Variants in RAPGEF4 observed in about 807,000 individuals in gnomAD.
The protein encoded by RAPGEF4 is RAP guanine-nucleotide-exchange factor (GEF) 4.
A neutral mutation model predicts 147.9 loss-of-function variants in RAPGEF4; 66 were observed. The ratio of observed to expected loss-of-function variants is 0.45; its 90% CI spans 0.37 to 0.55. The LOEUF is 0.55. Ranked by LOEUF, RAPGEF4 falls within the 20% of genes least tolerant of loss-of-function variation. RAPGEF4 has a pLI of 0.00. For synonymous variants in RAPGEF4, 419 were observed against 442.7 expected (o/e 0.95, Z 0.67); for missense variants, 1,071 against 1,257.3 (o/e 0.85, Z 2.24).
chr2:172,993,340 C>T (rs369234103), intron 15 of RAPGEF4, among the ~76,000 whole-genome samples: 3 of 152,254 alleles, frequency 2.0e-5, no homozygotes, highest in African/African-American at 2.4e-5. Flanking sequence ...TTCCTGTTTT[C>T]GTTACTGTGT....
At chr2:172,886,246 T>C (rs1697198479) in intron 4 of RAPGEF4, among the ~76,000 whole-genome samples, 1 of 152,210 alleles carries the variant, frequency 6.6e-6, no homozygotes, top group African/African-American at 2.4e-5. Context: ...ACAACTACAG[T>C]TTTATTAGAA....
Position 173,027,218 on chromosome 2 carries a change from G to A in RAPGEF4, c.2517G>A (p.Lys839=). Residue 839 remains lysine (K), a synonymous_variant, in exon 25 of 31, where the codon AAG becomes AAA. Transcript: ENST00000397081. ...TEICLCSQLS[K]RVQLLKKFIK... ...TCTGCCTTTGTTCTCAGCTCAGCAA[G>A]CGTGTTCAGCTATTAAAAAAATTTA... 6.2e-7 allele frequency: 1 copy of A among 1,604,470 alleles called. No individual in the cohort carries two copies. The highest frequency in any genetic ancestry group is 8.5e-7 in the Non-Finnish European group (1 of 1,177,674).
At chr2:172,802,200 A>G (rs1020524485) in intron 3 of RAPGEF4, among the ~76,000 whole-genome samples, 15 of 152,248 alleles carry the variant, frequency 9.9e-5, no homozygotes, top group Non-Finnish European at 2.1e-4. Context: ...CAGATTCTGC[A>G]ATAGTATTTT....
intron 29 of RAPGEF4, 50 bp from the exon 30 acceptor site, chr2:173,048,550 C>T (rs1289866697): frequency 5.0e-6 from 8 of 1,612,266 alleles, no homozygotes; most frequent in Non-Finnish European, 6.8e-6. Flanking sequence ...TTGGATTGTA[C>T]TCTACGCTTA....
Position 172,988,266 on chromosome 2 carries a change from C to T in RAPGEF4, c.1221C>T (p.Tyr407=), listed in dbSNP as rs373138887. 4.5e-5 allele frequency: 72 copies of T among 1,610,974 alleles called. 1 individual carries two copies. Among genetic ancestry groups the T allele is most frequent in the East Asian group, 1.8e-4 (8 of 44,732 alleles). Residue 407 remains tyrosine (Y), a synonymous_variant, in exon 13 of 31, where the codon TAC becomes TAT. Transcript: ENST00000397081. ...ILKGSVNVVI[Y]GKGVVCTLHE... ...AAGGATCAGTGAATGTAGTCATTTA[C>T]GGCAAGGTATATATATCTTTTTCTT...
At chr2:172,855,434 T>C (rs754856777) in intron 4 of RAPGEF4, among the ~76,000 whole-genome samples, 39 of 152,206 alleles carry the variant, frequency 2.6e-4, no homozygotes, top group Non-Finnish European at 5.4e-4. Context: ...TGGTTGCCTG[T>C]AATACAAGTA....
intron 4 of RAPGEF4, among the ~76,000 whole-genome samples, chr2:172,898,522 G>A (rs1306895030): frequency 6.6e-6 from 1 of 152,156 alleles, no homozygotes; most frequent in African/African-American, 2.4e-5. Context: ...TTCCGTCATT[G>A]CAAATCCCTG....
intron 4 of RAPGEF4, among the ~76,000 whole-genome samples, chr2:172,878,803 G>A (rs997322804): frequency 2.0e-5 from 3 of 152,156 alleles, no homozygotes; most frequent in East Asian, 1.9e-4. Flanking sequence ...TCTTTTGGTC[G>A]ATAATTATGT....
At chr2:172,916,712 A>C (rs1253271784) in intron 4 of RAPGEF4, among the ~76,000 whole-genome samples, 1 of 152,250 alleles carries the variant, frequency 6.6e-6, no homozygotes, top group African/African-American at 2.4e-5. Context: ...CATCTTGACT[A>C]GAAGAAGGCT....
intron 6 of RAPGEF4, among the ~76,000 whole-genome samples, chr2:172,942,230 G>A (rs1198944315): frequency 6.8e-6 from 1 of 145,994 alleles, no homozygotes; most frequent in African/African-American, 2.5e-5. Context: ...AACAAAAACT[G>A]CAATTACTTT....
rs1288655911 is a variant in RAPGEF4, at chr2:172,831,266, C to T, written c.444+16841C>T. Among the ~76,000 whole-genome samples, 185 of 53,846 alleles carry T rather than the reference C, an allele frequency of 3.4e-3. 2 individuals are homozygous for T. Among genetic ancestry groups the T allele is most frequent in the Non-Finnish European group, 4.0e-3 (113 of 28,086 alleles). 35.3% of individuals were successfully genotyped at this position (53,846 alleles called of 152,430 possible). On this transcript the variant is annotated intron_variant, in intron 4 of 30. Coordinates refer to ENST00000397081, the MANE Select transcript of RAPGEF4 (RefSeq NM_007023.4). ...AAATGTGACTGTTTCAGATAGAAAA[C>T]TTTTTTTTTTTTTTTTTTTGAGACA... is the stretch of plus-strand genomic sequence containing the variant.
chr2:172,806,779 T>C (rs1463124356), intron 3 of RAPGEF4, among the ~76,000 whole-genome samples: 1 of 152,208 alleles, frequency 6.6e-6, no homozygotes, highest in Non-Finnish European at 1.5e-5. Context: ...ACATTTTAGC[T>C]CAATTTCAGA....
intron 5 of RAPGEF4, chr2:172,918,159 A>G (rs894003594): frequency 1.8e-6 from 1 of 544,456 alleles, no homozygotes; most frequent in African/African-American, 1.9e-5. Context: ...AGTGAAATCC[A>G]GTGTTCTTTC....
intron 4 of RAPGEF4, among the ~76,000 whole-genome samples, chr2:172,915,590 G>A (rs1189628389): frequency 1.3e-5 from 2 of 151,280 alleles, no homozygotes; most frequent in African/African-American, 4.9e-5. Flanking sequence ...TCCTGTCCCA[G>A]CTACTCTGGA....
Position 172,735,916 on chromosome 2 carries a change from G to C in RAPGEF4, c.-68G>C, listed in dbSNP as rs1693696543. The C allele has an allele frequency of 2.3e-6, 3 of 1,321,166 alleles. No homozygotes were observed. The highest frequency in any genetic ancestry group is 3.0e-6 in the Non-Finnish European group (3 of 1,016,622). The allele number at this position is 1,321,166 out of a possible 1,614,324, so 81.8% of individuals were successfully genotyped here. On this transcript the variant is annotated 5_prime_UTR_variant, in exon 1 of 31. Coordinates refer to ENST00000397081, the MANE Select transcript of RAPGEF4 (RefSeq NM_007023.4). The stretch of plus-strand genomic sequence containing the variant: ...GGTCCGCGCGGCGGACGAGGCGGGG[G>C]CGGAGGCGCAGGCAGAGCGAGCGCG...
rs1208643629 is a variant in RAPGEF4 at position 173,026,807 on chromosome 2, C to T, written c.2379+110C>T. On this transcript the variant is annotated intron_variant, in intron 24 of 30. Transcript: ENST00000397081. Reference sequence around the variant, plus strand: ...GTGCTACAATATGGAAACCACATGACCATTTTTTTGCATACTGAGCTTATA... The same window carrying T: ...GTGCTACAATATGGAAACCACATGATCATTTTTTTGCATACTGAGCTTATA... The T allele has an allele frequency of 4.9e-6, 7 of 1,418,838 alleles. No homozygotes were observed. In the East Asian group the frequency reaches 1.4e-4, roughly 28 times the overall value. The allele number at this position is 1,418,838 out of a possible 1,614,324, so 87.9% of individuals were successfully genotyped here. A position where few individuals can be genotyped will look rare whatever the true frequency, so the allele number is the denominator to read the frequency against.
At chr2:172,830,809 T>G (rs981304137) in intron 4 of RAPGEF4, among the ~76,000 whole-genome samples, 2 of 152,200 alleles carry the variant, frequency 1.3e-5, no homozygotes, top group Non-Finnish European at 2.9e-5. Flanking sequence ...AGAAATTATT[T>G]AATTTATTGA....
At chr2:173,037,707 C>T (rs1202863972) in intron 29 of RAPGEF4, among the ~76,000 whole-genome samples, 1 of 151,906 alleles carries the variant, frequency 6.6e-6, no homozygotes, top group Non-Finnish European at 1.5e-5. Context: ...AATGTGGCGC[C>T]GTGAGAAAAG....
At chr2:172,834,296 T>C (rs140888113) in intron 4 of RAPGEF4, among the ~76,000 whole-genome samples, 80 of 152,314 alleles carry the variant, frequency 5.3e-4, no homozygotes, top group African/African-American at 1.9e-3. Context: ...GTGCTCAATG[T>C]ATTGGCCTTC....
Sources: allele counts gnomAD v4.1 joint callset (sites outside exome capture counted in the v4.1 genomes callset), GRCh38; gene constraint gnomAD v4.1.1; transcripts MANE v1.5; gene names NCBI Gene and HGNC (gene_info 2026-07-23, HGNC 2026-07-21).